Variants in GALNT18 observed in about 807,000 individuals in gnomAD.
GALNT18 encodes the protein polypeptide N-acetylgalactosaminyltransferase 18.
GALNT18 carries 44 observed loss-of-function variants against 69.5 expected under a neutral mutation model. That is an observed-to-expected ratio of 0.63 (90% confidence interval 0.50 to 0.81). The LOEUF is 0.81. GALNT18 is among the 40% of genes least tolerant of loss of function. GALNT18 has a pLI of 0.00. For missense variants in GALNT18, 715 were observed against 810.0 expected (o/e 0.88, Z 1.42); for synonymous variants, 364 against 318.2 (o/e 1.14, Z -1.53).
At chr11:11,287,735 C>T (rs1849219599) in intron 10 of GALNT18, among the ~76,000 whole-genome samples, 1 of 152,136 alleles carries the variant, frequency 6.6e-6, no homozygotes, top group Non-Finnish European at 1.5e-5. Flanking sequence ...CAACAACTGC[C>T]ACTTCTAATA....
rs1275357638 is a variant in GALNT18, at chr11:11,432,702, G to A, written c.514C>T (p.Arg172Cys). 3.7e-6 allele frequency: 6 copies of A among 1,613,714 alleles called. No individual in the cohort carries two copies. Among genetic ancestry groups the A allele is most frequent in the East Asian group, 2.2e-5 (1 of 44,854 alleles). Residue 172 changes from arginine to cysteine, a missense_variant, in exon 3 of 11, where the codon CGC (arginine) becomes TGC (cysteine). Coordinates refer to ENST00000227756, the MANE Select transcript of GALNT18 (RefSeq NM_198516.3). This position sits in a 1 kb window ranked among gnomAD's most constrained non-coding sequence, Gnocchi z 5.8. ...FVNEALSVLL[R>C]SIHSAMERTP... ...CGTTCCATGGCCGAGTGGATGGAGC[G>A]CAGCAGCACTGAAAGCGCTTCATTG... is the stretch of plus-strand genomic sequence containing the variant.
At chr11:11,481,385 G>T (rs555670036) in intron 1 of GALNT18, among the ~76,000 whole-genome samples, 3 of 152,248 alleles carry the variant, frequency 2.0e-5, no homozygotes, top group African/African-American at 7.2e-5. Context: ...AGGAGATGAA[G>T]AAAACCTGGT....
chr11:11,302,117 T>G (rs983648871), intron 9 of GALNT18, among the ~76,000 whole-genome samples: 7 of 152,096 alleles, frequency 4.6e-5, no homozygotes, highest in Non-Finnish European at 8.8e-5. Context: ...GCCAATGGGA[T>G]GAGGTGGGGA....
At chr11:11,466,699 T>A (rs893104726) in intron 1 of GALNT18, among the ~76,000 whole-genome samples, 1 of 152,176 alleles carries the variant, frequency 6.6e-6, no homozygotes, top group Non-Finnish European at 1.5e-5. Flanking sequence ...AGCTAATGAG[T>A]TCATCTGTCT....
At chr11:11,322,257 T>C (rs1849852201) in intron 9 of GALNT18, among the ~76,000 whole-genome samples, 1 of 152,214 alleles carries the variant, frequency 6.6e-6, no homozygotes, top group Non-Finnish European at 1.5e-5. Flanking sequence ...GGCTCAAAGC[T>C]GGTATTTAGA....
In GALNT18 at chr11:11,559,833, T is replaced by C. The variant is rs541366632; in HGVS notation, c.235+61526A>G. Among the ~76,000 whole-genome samples the C allele has an allele frequency of 5.8e-3, 884 of 151,548 alleles. 13 individuals are homozygous for C. Among genetic ancestry groups the C allele is most frequent in the African/African-American group, 0.021 (849 of 41,104 alleles). On this transcript the variant is annotated intron_variant, in intron 1 of 10. Transcript: ENST00000227756. Reference sequence around the variant, plus strand: ...TATGATCAGGTGGAATAGAATGAGATATGATGGGATGGGGTGAAATAGAAT... The same window carrying C: ...TATGATCAGGTGGAATAGAATGAGACATGATGGGATGGGGTGAAATAGAAT...
rs546076215 is a variant in GALNT18 at position 11,597,032 on chromosome 11, C to T, written c.235+24327G>A. Among the ~76,000 whole-genome samples, 18 of 152,190 alleles carry T rather than the reference C, an allele frequency of 1.2e-4. 1 individual carries two copies. The highest frequency in any genetic ancestry group is 3.9e-4 in the African/African-American group (16 of 41,534). On this transcript the variant is annotated intron_variant, in intron 1 of 10. Transcript: ENST00000227756. ...CAGAAAGGGTAGATTTTGTCAAATG[C>T]TTTTTCTGCATCTTTTGAGATGATC...
At chr11:11,577,520 T>C (rs764212125) in intron 1 of GALNT18, among the ~76,000 whole-genome samples, 1 of 152,072 alleles carries the variant, frequency 6.6e-6, no homozygotes, top group Non-Finnish European at 1.5e-5. Context: ...CCAATTTCCG[T>C]TTTGTTAGAG....
At chr11:11,502,393 T>C (rs575468838) in intron 1 of GALNT18, among the ~76,000 whole-genome samples, 25 of 152,180 alleles carry the variant, frequency 1.6e-4, no homozygotes, top group Non-Finnish European at 2.9e-5. Flanking sequence ...GAGGCCCTGG[T>C]TCCCTCTGGG....
Position 11,377,126 on chromosome 11 carries a change from C to A in GALNT18, c.977+56G>T. On this transcript the variant is annotated intron_variant, in intron 5 of 10. Transcript: ENST00000227756. This position sits in a 1 kb window ranked among gnomAD's most constrained non-coding sequence, Gnocchi z 4.6. Reference sequence around the variant, plus strand: ...GGAGAATAAGCATTGGACCAGTAGGCGGTCCCTAGCCTGGAGGTCAAAGCG... The same window carrying A: ...GGAGAATAAGCATTGGACCAGTAGGAGGTCCCTAGCCTGGAGGTCAAAGCG... The A allele has an allele frequency of 6.6e-7, 1 of 1,518,864 alleles. No homozygotes were observed. The highest frequency in any genetic ancestry group is 9.1e-7 in the Non-Finnish European group (1 of 1,099,074). 94.1% of individuals were successfully genotyped at this position (1,518,864 alleles called of 1,614,324 possible).
intron 4 of GALNT18, among the ~76,000 whole-genome samples, chr11:11,378,196 C>T (rs1449400279): frequency 1.3e-5 from 2 of 152,206 alleles, no homozygotes; most frequent in African/African-American, 4.8e-5. Flanking sequence ...TGGCAGCATC[C>T]AGGCCAGGCT....
At chr11:11,597,258 T>G (rs1347034193) in intron 1 of GALNT18, among the ~76,000 whole-genome samples, 1 of 152,226 alleles carries the variant, frequency 6.6e-6, no homozygotes, top group Non-Finnish European at 1.5e-5. Context: ...TTTCTTTCAT[T>G]ATGACATTTT....
At chr11:11,550,939 C>T (rs1298008742) in intron 1 of GALNT18, among the ~76,000 whole-genome samples, 2 of 152,066 alleles carry the variant, frequency 1.3e-5, no homozygotes, top group African/African-American at 4.8e-5. Context: ...TTGCAGTAAG[C>T]AGCATGGAGA....
chr11:11,395,504 C>T lies in GALNT18; in HGVS notation c.596-16240G>A, dbSNP rs77488613. On this transcript the variant is annotated intron_variant, in intron 3 of 10. Transcript: ENST00000227756. Reference sequence around the variant, plus strand: ...TCCCATGAGATGGGGAAACTGAGACCCAGAGCCTATAAGGATGGTGAGGAG... The same window carrying T: ...TCCCATGAGATGGGGAAACTGAGACTCAGAGCCTATAAGGATGGTGAGGAG... Among the ~76,000 whole-genome samples, 1,182 of 152,268 alleles carry T rather than the reference C, an allele frequency of 7.8e-3. 17 individuals carry two copies. The highest frequency in any genetic ancestry group is 0.026 in the East Asian group (137 of 5,184).
chr11:11,605,344 C>T lies in GALNT18; in HGVS notation c.235+16015G>A, dbSNP rs976935453. ...CAAGCAAGAAACACCCTCTTCTGAT[C>T]TCCGGGTTGCCCTCTCTCAGCTCCC... On this transcript the variant is annotated intron_variant, in intron 1 of 10. Transcript: ENST00000227756. This position sits in a 1 kb window ranked among gnomAD's most constrained non-coding sequence, Gnocchi z 4.7. Among the ~76,000 whole-genome samples, 2 of 152,192 alleles carry T rather than the reference C, an allele frequency of 1.3e-5. No individual in the cohort carries two copies. The highest frequency in any genetic ancestry group is 2.9e-5 in the Non-Finnish European group (2 of 68,038).
chr11:11,472,058 A>G (rs985221415), intron 1 of GALNT18, among the ~76,000 whole-genome samples: 2 of 152,364 alleles, frequency 1.3e-5, no homozygotes, highest in African/African-American at 4.8e-5. Flanking sequence ...TGCTTGCAAG[A>G]TAAGTAGGTT....
rs933561231 is a variant in GALNT18, at chr11:11,523,606, C to A, written c.236-74670G>T. Among the ~76,000 whole-genome samples, 5 of 151,832 alleles carry A rather than the reference C, an allele frequency of 3.3e-5. No individual in the cohort carries two copies. Among genetic ancestry groups the A allele is most frequent in the African/African-American group, 9.7e-5 (4 of 41,318 alleles). Reference sequence around the variant, plus strand: ...TGTTGGTGGGCTCCTGTAGTCCCAGCTACTCGGGAGGCTGAGGCAGGAGAA... The same window carrying A: ...TGTTGGTGGGCTCCTGTAGTCCCAGATACTCGGGAGGCTGAGGCAGGAGAA... On this transcript the variant is annotated intron_variant, in intron 1 of 10. Transcript: ENST00000227756. This position sits in a 1 kb window ranked among gnomAD's most constrained non-coding sequence, Gnocchi z 4.3.
intron 1 of GALNT18, among the ~76,000 whole-genome samples, chr11:11,524,616 C>T (rs375776954): frequency 3.0e-4 from 46 of 152,194 alleles, no homozygotes; most frequent in African/African-American, 8.0e-4. Flanking sequence ...TGGGAAGACA[C>T]GTGGAACAGA....
Position 11,590,082 on chromosome 11 carries a change from G to C in GALNT18, c.235+31277C>G, listed in dbSNP as rs373068072. On this transcript the variant is annotated intron_variant, in intron 1 of 10. Transcript: ENST00000227756. This position sits in a 1 kb window ranked among gnomAD's most constrained non-coding sequence, Gnocchi z 4.4. Reference sequence around the variant, plus strand: ...AAATATGTAATAACCAATGCAGCATGGTCATGTGGCAGACACTGCTGTGTG... The same window carrying C: ...AAATATGTAATAACCAATGCAGCATCGTCATGTGGCAGACACTGCTGTGTG... Among the ~76,000 whole-genome samples the C allele has an allele frequency of 2.6e-5, 4 of 152,340 alleles. No homozygotes were observed. In the East Asian group the frequency reaches 7.7e-4, roughly 29 times the overall value.
Sources: allele counts gnomAD v4.1 joint callset (sites outside exome capture counted in the v4.1 genomes callset), GRCh38; gene constraint gnomAD v4.1.1; non-coding constraint Gnocchi (gnomAD v3.1); transcripts MANE v1.5; gene names NCBI Gene and HGNC (gene_info 2026-07-23, HGNC 2026-07-21).